The following ZEB1 variants were observed in gnomAD, a reference collection of about 807,000 sequenced individuals.
ZEB1 encodes the protein zinc finger E-box-binding homeobox 1.
ZEB1 carries 21 observed loss-of-function variants against 84.9 expected under a neutral mutation model. The observed-to-expected ratio is 0.25, with a 90% CI of 0.18 to 0.36. The LOEUF is 0.36. ZEB1 is among the 10% of genes least tolerant of loss of function. ZEB1 has a pLI of 1.00. For synonymous variants in ZEB1, 420 were observed against 471.1 expected (o/e 0.89, Z 1.41); for missense variants, 1,104 against 1,330.2 (o/e 0.83, Z 2.65).
At chr10:31,358,829 G>A (rs2042533719) in intron 1 of ZEB1, among the ~76,000 whole-genome samples, 1 of 152,188 alleles carries the variant, frequency 6.6e-6, no homozygotes, top group Admixed American at 6.5e-5. Flanking sequence ...ATTTCTGAAT[G>A]TTAGCCAAAT....
intron 1 of ZEB1, among the ~76,000 whole-genome samples, chr10:31,361,811 C>A (rs1169710107): frequency 6.6e-6 from 1 of 150,386 alleles, no homozygotes; most frequent in Non-Finnish European, 1.5e-5. Context: ...GGCAGCAGGG[C>A]AGAGGCGCTC....
chr10:31,452,722 TGTGTGTGTGTGTGTGTGTGTGA>T (rs1281265057), intron 1 of ZEB1, among the ~76,000 whole-genome samples: 4 of 118,084 alleles, frequency 3.4e-5, no homozygotes, highest in African/African-American at 1.8e-4. Flanking sequence ...TGTGTGTGTG[TGTGTGTGTGTGTGTGTGTGTGA>T]GAGAGAGAGA....
chr10:31,385,512 T>G (rs1282254488), intron 1 of ZEB1, among the ~76,000 whole-genome samples: 2 of 151,798 alleles, frequency 1.3e-5, no homozygotes, highest in Non-Finnish European at 2.9e-5. Context: ...CTTTTTTCTT[T>G]TCTTTTTTTC....
intron 2 of ZEB1, among the ~76,000 whole-genome samples, chr10:31,479,567 C>T (rs559017736): frequency 4.6e-5 from 7 of 151,808 alleles, no homozygotes; most frequent in East Asian, 3.9e-4. Context: ...CTGGGACTTA[C>T]TCCTGGGATG....
chr10:31,525,503 T>C (rs2073257256), intron 8 of ZEB1, among the ~76,000 whole-genome samples: 2 of 152,200 alleles, frequency 1.3e-5, no homozygotes. Context: ...CAGTACAAAC[T>C]GGCTCCAGCA....
chr10:31,335,558 T>C (rs1400543985), intron 1 of ZEB1, among the ~76,000 whole-genome samples: 3 of 152,196 alleles, frequency 2.0e-5, no homozygotes, highest in Admixed American at 1.3e-4. Context: ...AGCATCTCAA[T>C]AGATCCATCT....
chr10:31,495,131 A>G (rs1188538243), intron 2 of ZEB1, among the ~76,000 whole-genome samples: 1 of 151,976 alleles, frequency 6.6e-6, no homozygotes, highest in Non-Finnish European at 1.5e-5. Flanking sequence ...TTTCATTTCT[A>G]CCACCTAATA....
chr10:31,449,275 G>A (rs223528), intron 1 of ZEB1, among the ~76,000 whole-genome samples: 11,883 of 152,078 alleles, frequency 0.078, 666 homozygotes, highest in African/African-American at 0.16. Context: ...TTCGGCTTGC[G>A]CACAGTGCGC....
intron 6 of ZEB1, among the ~76,000 whole-genome samples, chr10:31,517,256 C>G (rs1341024333): frequency 6.6e-6 from 1 of 151,936 alleles, no homozygotes; most frequent in Non-Finnish European, 1.5e-5. Flanking sequence ...TTGCTAAATA[C>G]TGGTACCCAA....
rs1565239608 is a variant in ZEB1 at position 31,527,075 on chromosome 10, TGAG to T, written c.3192_3194del (p.Glu1072del). 1 of 1,584,548 alleles carries T rather than the reference TGAG, an allele frequency of 6.3e-7. No homozygotes were observed. The highest frequency in any genetic ancestry group is 8.6e-7 in the Non-Finnish European group (1 of 1,163,256). ...AAGAATGTGAAAAACCACAAGGGGA[TGAG>T]GAAGAGGAGGAGGAGGAGGAAGAAG... On this transcript the variant is annotated inframe_deletion, in exon 9 of 9. Transcript: ENST00000424869.
chr10:31,392,673 A>G (rs1210185500), intron 1 of ZEB1, among the ~76,000 whole-genome samples: 5 of 152,046 alleles, frequency 3.3e-5, no homozygotes, highest in Non-Finnish European at 7.4e-5. Flanking sequence ...CATTTATACC[A>G]TAAACTGAAT....
chr10:31,475,939 A>G (rs1284558120), intron 2 of ZEB1, among the ~76,000 whole-genome samples: 1 of 152,124 alleles, frequency 6.6e-6, no homozygotes, highest in Non-Finnish European at 1.5e-5. Context: ...ACATATTAAT[A>G]TTAACCTTGA....
At chr10:31,319,701 C>T (rs997832731) in intron 1 of ZEB1, 1 of 180,150 alleles carries the variant, frequency 5.6e-6, no homozygotes. Flanking sequence ...CCTTCGGCGC[C>T]TCCCTCTCCC....
intron 1 of ZEB1, among the ~76,000 whole-genome samples, chr10:31,412,648 C>A (rs1029714758): frequency 2.0e-5 from 3 of 152,118 alleles, no homozygotes; most frequent in African/African-American, 7.2e-5. Flanking sequence ...TTTTCTTAAT[C>A]CAGCCTATCA....
At chr10:31,507,918 C>T (rs894043317) in intron 4 of ZEB1, among the ~76,000 whole-genome samples, 1 of 151,916 alleles carries the variant, frequency 6.6e-6, no homozygotes, top group Non-Finnish European at 1.5e-5. Flanking sequence ...TGTATTCTTA[C>T]CTTGATACCA....
At chr10:31,493,782 A>G (rs1219724348) in intron 2 of ZEB1, among the ~76,000 whole-genome samples, 3 of 151,666 alleles carry the variant, frequency 2.0e-5, no homozygotes, top group Non-Finnish European at 2.9e-5. Context: ...CTCAACCAAA[A>G]CTCCAGCCTC....
At chr10:31,447,738 T>C (rs1297429518) in intron 1 of ZEB1, among the ~76,000 whole-genome samples, 2 of 152,150 alleles carry the variant, frequency 1.3e-5, no homozygotes, top group Admixed American at 6.5e-5. Context: ...TGTTGAATAT[T>C]GGCCCCCACT....
chr10:31,363,610 G>C, intron 1 of ZEB1: 3 of 1,515,850 alleles, frequency 2.0e-6, no homozygotes, highest in Non-Finnish European at 2.7e-6. Context: ...CTCCGTCTTC[G>C]GGAGCCTGGC....
At position 31,411,413 on chromosome 10, in the gene ZEB1, T is replaced by G. The variant is rs562303543; in HGVS notation, c.59-49624T>G. Among the ~76,000 whole-genome samples, 25 of 152,150 alleles carry G rather than the reference T, an allele frequency of 1.6e-4. 1 individual carries two copies. In the South Asian group the frequency reaches 5.0e-3, roughly 30 times the overall value. On this transcript the variant is annotated intron_variant, in intron 1 of 8. Coordinates refer to ENST00000424869, the MANE Select transcript of ZEB1 (RefSeq NM_001174096.2). ...TTGGGAGGCCGAGGCGAGTGGATCATGAGGTCAGGAGATCGAGACCATCCT... is the reference window on the plus strand; with the variant it reads ...TTGGGAGGCCGAGGCGAGTGGATCAGGAGGTCAGGAGATCGAGACCATCCT...
Sources: allele counts gnomAD v4.1 joint callset (sites outside exome capture counted in the v4.1 genomes callset), GRCh38; gene constraint gnomAD v4.1.1; transcripts MANE v1.5; gene names NCBI Gene and HGNC (gene_info 2026-07-23, HGNC 2026-07-21).